COL22A1: variants seen among roughly 807,000 people sequenced by gnomAD.
The protein encoded by COL22A1 is collagen alpha-1(XXII) chain.
Under a neutral mutation model 248.9 loss-of-function variants are expected in COL22A1, and 221 were observed. The observed-to-expected ratio is 0.89, with a 90% confidence interval of 0.80 to 0.99. The LOEUF is 0.99. Ranked by LOEUF, COL22A1 falls within the 50% of genes least tolerant of loss-of-function variation. The pLI, the probability that COL22A1 is intolerant of heterozygous loss-of-function variation, is 0.00. For synonymous variants in COL22A1, 891 were observed against 793.4 expected, an observed-to-expected ratio of 1.12 and a Z score of -2.07; for missense variants, 2,240 against 2,179.0, an observed-to-expected ratio of 1.03 and a Z score of -0.56.
chr8:138,770,055 G>A (rs1296857178), intron 16 of COL22A1, among the ~76,000 whole-genome samples: 1 of 152,178 alleles, frequency 6.6e-6, no homozygotes, highest in Admixed American at 6.5e-5. Flanking sequence ...ATGGAGGCCA[G>A]AGGGGTCCAG....
At chr8:138,652,704 T>C (rs1375696956) in intron 45 of COL22A1, among the ~76,000 whole-genome samples, 2 of 146,648 alleles carry the variant, frequency 1.4e-5, no homozygotes, top group East Asian at 4.1e-4. Context: ...ACCCCTTCCT[T>C]TGGTCTAAAA....
intron 1 of COL22A1, among the ~76,000 whole-genome samples, chr8:138,910,851 G>T (rs117907325): frequency 4.9e-4 from 75 of 152,230 alleles, no homozygotes; most frequent in Non-Finnish European, 7.2e-4. Context: ...TCATTTCCTT[G>T]TTTCTAAAAC....
chr8:138,707,270 C>T (rs965794842), intron 30 of COL22A1, among the ~76,000 whole-genome samples: 1 of 152,164 alleles, frequency 6.6e-6, no homozygotes, highest in Non-Finnish European at 1.5e-5. Flanking sequence ...AGAAGGAATC[C>T]TCCCTAATTC....
At chr8:138,698,716 AG>A (rs1448653365) in intron 32 of COL22A1, among the ~76,000 whole-genome samples, 1 of 150,852 alleles carries the variant, frequency 6.6e-6, no homozygotes, top group African/African-American at 2.4e-5. Flanking sequence ...TCCCTCATGC[AG>A]TGAGTACCTG....
chr8:138,871,009 A>G (rs1336238737), intron 3 of COL22A1, among the ~76,000 whole-genome samples: 1 of 151,790 alleles, frequency 6.6e-6, no homozygotes, highest in Non-Finnish European at 1.5e-5. Flanking sequence ...GGATGTGGGG[A>G]CAGAGGTGGG....
rs530314861 is a variant in COL22A1, at chr8:138,909,901, T to C, written c.-73+3718A>G. Among the ~76,000 whole-genome samples the C allele has an allele frequency of 5.9e-5, 9 of 152,272 alleles. No individual in the cohort carries two copies. The East Asian group carries it at 1.7e-3, about 29-fold the overall frequency. The stretch of plus-strand genomic sequence containing the variant: ...GTCCTGAGAACCATCAAAATACCAA[T>C]GCCCTCTGACCCAGAAATCCCACTC... On this transcript the variant is annotated intron_variant, in intron 1 of 64. Transcript: ENST00000303045.
intron 34 of COL22A1, 152 bp from the exon 35 acceptor site, chr8:138,693,851 T>G (rs540876252): frequency 2.6e-6 from 2 of 767,700 alleles, no homozygotes; most frequent in Admixed American, 2.3e-5. Flanking sequence ...GTGAAGAAAA[T>G]CACTACTTTC....
chr8:138,782,523 T>C (rs1486286294), intron 12 of COL22A1, among the ~76,000 whole-genome samples: 2 of 152,120 alleles, frequency 1.3e-5, no homozygotes, highest in Non-Finnish European at 2.9e-5. Flanking sequence ...GCATGGGGGA[T>C]ATGGTGGTGG....
intron 44 of COL22A1, among the ~76,000 whole-genome samples, chr8:138,657,449 A>G (rs900117329): frequency 1.3e-5 from 2 of 152,256 alleles, no homozygotes; most frequent in Non-Finnish European, 2.9e-5. Context: ...AGAGTCAGTT[A>G]TATCAGACAC....
rs759172264 is a variant in COL22A1 at position 138,725,456 on chromosome 8, A to T, written c.2140-16T>A. The T allele has an allele frequency of 6.2e-7, 1 of 1,611,786 alleles. No homozygotes were observed. Among genetic ancestry groups the T allele is most frequent in the South Asian group, 1.1e-5 (1 of 90,886 alleles). On this transcript the variant is annotated splice_polypyrimidine_tract_variant and intron_variant, in intron 23 of 64. Coordinates refer to ENST00000303045, the MANE Select transcript of COL22A1 (RefSeq NM_152888.3). The stretch of plus-strand genomic sequence containing the variant: ...CTGGAGGGCCCTGTAGAGAAAGAGC[A>T]TTTGGTGGGCTACAGATGGGTCCTG...
intron 60 of COL22A1, among the ~76,000 whole-genome samples, chr8:138,601,620 T>C (rs1044992284): frequency 9.2e-5 from 14 of 152,202 alleles, no homozygotes; most frequent in Non-Finnish European, 1.9e-4. Flanking sequence ...AAAAAAGTCT[T>C]TTCCCCTCTT....
rs1420396568 is a variant in COL22A1, at chr8:138,845,057, T to A, written c.659-899A>T. 2.0e-5 allele frequency among the ~76,000 whole-genome samples: 3 copies of A among 152,040 alleles called. No homozygotes were observed. The South Asian group carries it at 6.2e-4, about 32-fold the overall frequency. Reference sequence around the variant, plus strand: ...GTGCAGGGACGGACCAGAAAGATGTTCCATAAGTCATCTGATGGAGCTTCA... The same window carrying A: ...GTGCAGGGACGGACCAGAAAGATGTACCATAAGTCATCTGATGGAGCTTCA... On this transcript the variant is annotated intron_variant, in intron 3 of 64. Coordinates refer to ENST00000303045, the MANE Select transcript of COL22A1 (RefSeq NM_152888.3).
chr8:138,883,191 G>T lies in COL22A1; in HGVS notation c.-19C>A. The T allele has an allele frequency of 6.4e-7, 1 of 1,560,844 alleles. No homozygotes were observed. The highest frequency in any genetic ancestry group is 8.7e-7 in the Non-Finnish European group (1 of 1,151,682). ...CGGCCATGGCTCTCCTGTTCTTGGG[G>T]ACAGGCTTCTCTTGGCCAGGAAGAG... On this transcript the variant is annotated 5_prime_UTR_variant, in exon 2 of 65. Transcript: ENST00000303045.
chr8:138,865,719 ATGTG>A (rs963858023), intron 3 of COL22A1, among the ~76,000 whole-genome samples: 2 of 121,532 alleles, frequency 1.6e-5, no homozygotes, highest in Non-Finnish European at 3.4e-5. Flanking sequence ...GTATGAGTGT[ATGTG>A]TGTGTGTGTT....
At chr8:138,661,972 G>T in intron 43 of COL22A1, 58 bp downstream of exon 43, 1 of 1,378,922 alleles carries the variant, frequency 7.3e-7, no homozygotes, top group Non-Finnish European at 1.0e-6. Flanking sequence ...GTGGAGGGCG[G>T]GCTTTCAGGG....
chr8:138,880,432 G>C (rs916646520), intron 2 of COL22A1, among the ~76,000 whole-genome samples: 2 of 152,206 alleles, frequency 1.3e-5, no homozygotes, highest in African/African-American at 2.4e-5. Context: ...AGAGCTATGA[G>C]TGAATTTTAT....
chr8:138,828,749 C>CAA (rs375318134), intron 5 of COL22A1, among the ~76,000 whole-genome samples: 4 of 131,502 alleles, frequency 3.0e-5, no homozygotes, highest in East Asian at 4.4e-4. Flanking sequence ...GACTCCATCT[C>CAA]AAAAAAAAAA....
intron 9 of COL22A1, among the ~76,000 whole-genome samples, chr8:138,809,969 T>G (rs544724912): frequency 6.6e-6 from 1 of 152,338 alleles, no homozygotes; most frequent in African/African-American, 2.4e-5. Flanking sequence ...TATCCAGAAC[T>G]TATGATTTTA....
At chr8:138,835,546 C>G (rs569204638) in intron 4 of COL22A1, among the ~76,000 whole-genome samples, 1 of 152,304 alleles carries the variant, frequency 6.6e-6, no homozygotes, top group East Asian at 1.9e-4. Context: ...CCGCCAGCTG[C>G]TTGAAGACAG....
Sources: gnomAD v4.1 joint callset for allele counts (sites outside exome capture counted in the v4.1 genomes callset) on GRCh38, gnomAD v4.1.1 for gene constraint, MANE v1.5 for transcripts, NCBI Gene and HGNC (gene_info 2026-07-23, HGNC 2026-07-21) for gene names.